PVT1: variants seen among roughly 807,000 people sequenced by gnomAD.
PVT1 encodes Pvt1 oncogene.
At chr8:127,924,423 G>A (rs983998665) in intron 3 of PVT1, among the ~76,000 whole-genome samples, 3 of 151,768 alleles carry the variant, frequency 2.0e-5, no homozygotes, top group African/African-American at 4.8e-5. Flanking sequence ...TGCAACCTCC[G>A]CCTCCCGGGT....
At chr8:128,073,306 A>G (rs1814022499) in intron 5 of PVT1, among the ~76,000 whole-genome samples, 1 of 152,078 alleles carries the variant, frequency 6.6e-6, no homozygotes, top group Non-Finnish European at 1.5e-5. Context: ...TAACTCGAAG[A>G]TCTTTTAATT....
chr8:127,844,373 T>C (rs1815007351), intron 2 of PVT1, among the ~76,000 whole-genome samples: 1 of 152,162 alleles, frequency 6.6e-6, no homozygotes, highest in Admixed American at 6.5e-5. Context: ...CCTTTATTTG[T>C]GCATCCGTGC....
intron 6 of PVT1, among the ~76,000 whole-genome samples, chr8:128,098,435 C>A (rs1050132622): frequency 3.9e-5 from 6 of 152,084 alleles, no homozygotes; most frequent in Non-Finnish European, 8.8e-5. Flanking sequence ...TTCAAGTCAC[C>A]CTTGTCCCCT....
At chr8:127,823,959 G>A (rs903012989) in intron 2 of PVT1, among the ~76,000 whole-genome samples, 1 of 152,234 alleles carries the variant, frequency 6.6e-6, no homozygotes, top group Non-Finnish European at 1.5e-5. Context: ...TCAGGAGGCT[G>A]AGGCGGGAGG....
At chr8:127,870,055 C>T (rs1050428495) in intron 2 of PVT1, among the ~76,000 whole-genome samples, 24 of 152,168 alleles carry the variant, frequency 1.6e-4, no homozygotes, top group African/African-American at 4.6e-4. Flanking sequence ...CCTCCTGTCT[C>T]GGCTTCCCAA....
chr8:128,049,290 CA>C, intron 4 of PVT1: 1 of 486,740 alleles, frequency 2.1e-6, no homozygotes, highest in Admixed American at 2.2e-5. Context: ...GTCTTGGAGC[CA>C]CTGATAGAAG....
At chr8:127,979,132 T>C (rs1384776013) in intron 3 of PVT1, among the ~76,000 whole-genome samples, 1 of 152,270 alleles carries the variant, frequency 6.6e-6, no homozygotes, top group Non-Finnish European at 1.5e-5. Context: ...TGTAAGTTCA[T>C]CTATCTATTT....
In PVT1 at chr8:127,929,349, C is replaced by T. The variant is rs550256366; in HGVS notation, n.782+38351C>T. ...CATAAACTAGTACACCGTTTTGCCT[C>T]GCCCAATTAAAAATGATTGGGTGTG... On this transcript the variant is annotated intron_variant and non_coding_transcript_variant, in intron 3 of 10. Transcript: ENST00000651587. 9.2e-5 allele frequency among the ~76,000 whole-genome samples: 14 copies of T among 152,068 alleles called. No homozygotes were observed. In the East Asian group the frequency reaches 2.5e-3, roughly 27 times the overall value.
intron 3 of PVT1, among the ~76,000 whole-genome samples, chr8:127,942,241 T>C (rs935573413): frequency 3.3e-5 from 5 of 152,216 alleles, no homozygotes; most frequent in Admixed American, 1.3e-4. Context: ...TTCCACGGCT[T>C]GCCTAGGGTC....
intron 3 of PVT1, among the ~76,000 whole-genome samples, chr8:127,944,404 G>A (rs984023932): frequency 1.3e-5 from 2 of 152,134 alleles, no homozygotes; most frequent in Admixed American, 1.3e-4. Context: ...TGCTAGCCAT[G>A]GTGAGACCTT....
At chr8:128,033,902 C>G (rs924645305) in intron 4 of PVT1, among the ~76,000 whole-genome samples, 2 of 152,186 alleles carry the variant, frequency 1.3e-5, no homozygotes, top group African/African-American at 4.8e-5. Context: ...TGAGGCCCCT[C>G]TCCACACTTT....
intron 2 of PVT1, among the ~76,000 whole-genome samples, chr8:127,820,686 C>T (rs551576562): frequency 6.6e-6 from 1 of 151,838 alleles, no homozygotes; most frequent in African/African-American, 2.4e-5. Context: ...GTTGGCCTCT[C>T]TGAGTCTTAG....
intron 4 of PVT1, chr8:128,049,216 A>G (rs148236411): frequency 3.0e-4 from 160 of 531,426 alleles, no homozygotes; most frequent in Non-Finnish European, 5.1e-4. Context: ...GCTGGCCCTC[A>G]TTTCTTAAGA....
At chr8:128,079,637 A>G (rs1586510828) in intron 5 of PVT1, among the ~76,000 whole-genome samples, 1 of 152,072 alleles carries the variant, frequency 6.6e-6, no homozygotes, top group East Asian at 1.9e-4. Context: ...TCCCTCTCTC[A>G]CACTAACCCC....
intron 3 of PVT1, among the ~76,000 whole-genome samples, chr8:127,937,254 CTTTTCTT>C (rs1816287229): frequency 1.3e-5 from 1 of 78,200 alleles, no homozygotes; most frequent in Non-Finnish European, 3.5e-5. Context: ...CATTGTTTTT[CTTTTCTT>C]TTTTCTTTTC....
chr8:128,001,842 G>A (rs1181556405), intron 4 of PVT1, among the ~76,000 whole-genome samples: 4 of 152,164 alleles, frequency 2.6e-5, no homozygotes, highest in Admixed American at 6.5e-5. Context: ...AGGAAGGGGC[G>A]AGAAAGCTTT....
chr8:128,082,254 G>C (rs945971250), intron 5 of PVT1, among the ~76,000 whole-genome samples: 4 of 152,214 alleles, frequency 2.6e-5, no homozygotes, highest in Admixed American at 1.3e-4. Context: ...GAGCTTTAGG[G>C]AGGTTAAGTA....
chr8:127,949,837 C>T (rs780946102), intron 3 of PVT1, among the ~76,000 whole-genome samples: 5 of 152,338 alleles, frequency 3.3e-5, no homozygotes, highest in Non-Finnish European at 7.3e-5. Flanking sequence ...CCAGACCTTA[C>T]GGTAAAAACG....
At chr8:128,037,639 C>G (rs1361317700) in intron 4 of PVT1, among the ~76,000 whole-genome samples, 1 of 152,220 alleles carries the variant, frequency 6.6e-6, no homozygotes, top group Admixed American at 6.5e-5. Flanking sequence ...ACCCAACCCT[C>G]CCACGTTCTC....
Sources: gnomAD v4.1 joint callset for allele counts (sites outside exome capture counted in the v4.1 genomes callset) on GRCh38, gnomAD v4.1.1 for gene constraint, MANE v1.5 for transcripts, NCBI Gene and HGNC (gene_info 2026-07-23, HGNC 2026-07-21) for gene names.